Variants in ZNF385D observed in about 807,000 individuals in gnomAD.
The protein encoded by ZNF385D is zinc finger protein 385D.
A neutral mutation model predicts 35.8 loss-of-function variants in ZNF385D; 15 were observed. The ratio of observed to expected loss-of-function variants is 0.42; its 90% CI spans 0.28 to 0.64. The LOEUF is 0.64. Among genes scored for constraint, ZNF385D ranks in the 30% least tolerant of loss-of-function variants. The pLI, the probability that ZNF385D is intolerant of heterozygous loss-of-function variation, is 0.23. For synonymous variants in ZNF385D, 212 were observed against 186.8 expected, an observed-to-expected ratio of 1.13 and a Z score of -1.10; for missense variants, 474 against 494.6, an observed-to-expected ratio of 0.96 and a Z score of 0.39.
chr3:22,219,597 T>A (rs1299438054), intron 2 of ZNF385D, among the ~76,000 whole-genome samples: 2 of 152,156 alleles, frequency 1.3e-5, no homozygotes, highest in African/African-American at 4.8e-5. Context: ...CTGAAACCCG[T>A]AGGACTAGAT....
intron 3 of ZNF385D, among the ~76,000 whole-genome samples, chr3:22,062,089 G>C (rs1464046744): frequency 1.3e-5 from 2 of 152,132 alleles, no homozygotes; most frequent in East Asian, 3.9e-4. Flanking sequence ...CCAGGCTGGA[G>C]TGCAGTGGCA....
intron 3 of ZNF385D, among the ~76,000 whole-genome samples, chr3:22,028,930 A>C (rs1330212163): frequency 6.6e-6 from 1 of 152,108 alleles, no homozygotes; most frequent in African/African-American, 2.4e-5. Flanking sequence ...ATCAGCATAC[A>C]ATATATGGTA....
chr3:22,215,226 C>T (rs2638132), intron 2 of ZNF385D, among the ~76,000 whole-genome samples: 31,353 of 151,852 alleles, frequency 0.21, 3,487 homozygotes, highest in African/African-American at 0.29. Context: ...TTGAACAATA[C>T]GAAATCTGGG....
intron 3 of ZNF385D, among the ~76,000 whole-genome samples, chr3:21,886,445 C>A (rs1025804969): frequency 1.3e-5 from 2 of 151,990 alleles, no homozygotes; most frequent in African/African-American, 2.4e-5. Context: ...CATTTGACAT[C>A]CTTTCACCTC....
intron 3 of ZNF385D, among the ~76,000 whole-genome samples, chr3:22,019,034 C>CTT (rs11380195): frequency 0.075 from 4,839 of 64,150 alleles, 825 homozygotes; most frequent in Non-Finnish European, 0.091. Flanking sequence ...AGTTATTTAC[C>CTT]TTTTTTTTTT....
chr3:21,748,883 G>A (rs6763031), intron 1 of ZNF385D, among the ~76,000 whole-genome samples: 1,694 of 152,266 alleles, frequency 0.011, 35 homozygotes, highest in African/African-American at 0.039. Context: ...CATGCCTGAA[G>A]TGTACTGCTC....
chr3:21,814,381 T>C (rs1013833597), intron 3 of ZNF385D, among the ~76,000 whole-genome samples: 7 of 152,086 alleles, frequency 4.6e-5, no homozygotes, highest in African/African-American at 1.7e-4. Flanking sequence ...GGCTAAATGC[T>C]CCAATTAAAA....
At chr3:21,792,109 G>C (rs991904172) in intron 3 of ZNF385D, among the ~76,000 whole-genome samples, 1 of 152,172 alleles carries the variant, frequency 6.6e-6, no homozygotes, top group Non-Finnish European at 1.5e-5. Flanking sequence ...CCCAAACTTT[G>C]GGACTTCTTT....
chr3:21,601,861 T>A (rs1001973304), intron 2 of ZNF385D, among the ~76,000 whole-genome samples: 3 of 152,160 alleles, frequency 2.0e-5, no homozygotes, highest in Non-Finnish European at 4.4e-5. Flanking sequence ...CCTACATGTC[T>A]CCAACTGGAG....
chr3:22,281,994 A>G (rs1394610242), intron 2 of ZNF385D, among the ~76,000 whole-genome samples: 1 of 152,010 alleles, frequency 6.6e-6, no homozygotes, highest in Non-Finnish European at 1.5e-5. Context: ...TATTTCCAGG[A>G]ATTTATCCAC....
intron 3 of ZNF385D, among the ~76,000 whole-genome samples, chr3:21,806,169 T>C (rs565217340): frequency 8.3e-4 from 126 of 152,130 alleles, no homozygotes; most frequent in African/African-American, 2.9e-3. Context: ...CTTTCACTTC[T>C]GCATTCCTTC....
At chr3:21,427,179 T>C (rs768228996) in intron 5 of ZNF385D, among the ~76,000 whole-genome samples, 8 of 152,030 alleles carry the variant, frequency 5.3e-5, no homozygotes, top group Admixed American at 3.9e-4. Context: ...GAAGATGACA[T>C]AAGTGGGAGG....
intron 3 of ZNF385D, among the ~76,000 whole-genome samples, chr3:22,146,566 T>C (rs1343906867): frequency 1.3e-5 from 2 of 152,200 alleles, no homozygotes; most frequent in Non-Finnish European, 2.9e-5. Flanking sequence ...TTTTATCAAC[T>C]GCCTGTACTT....
At chr3:22,162,762 T>C (rs1706046325) in intron 3 of ZNF385D, among the ~76,000 whole-genome samples, 1 of 152,206 alleles carries the variant, frequency 6.6e-6, no homozygotes, top group South Asian at 2.1e-4. Flanking sequence ...CATTTGTATA[T>C]CTTTTAATCT....
chr3:21,458,307 T>C (rs1702948297), intron 4 of ZNF385D, among the ~76,000 whole-genome samples: 1 of 126,428 alleles, frequency 7.9e-6, no homozygotes, highest in Non-Finnish European at 1.6e-5. Flanking sequence ...ACCTCATCAC[T>C]CTTAAAGGAA....
chr3:22,120,793 A>C (rs979398495), intron 3 of ZNF385D, among the ~76,000 whole-genome samples: 12 of 152,156 alleles, frequency 7.9e-5, no homozygotes, highest in South Asian at 2.1e-4. Context: ...ATGTTTTCCT[A>C]ATTACCGTTT....
chr3:21,629,934 A>AG (rs1445905058), intron 2 of ZNF385D, among the ~76,000 whole-genome samples: 1 of 152,164 alleles, frequency 6.6e-6, no homozygotes, highest in African/African-American at 2.4e-5. Flanking sequence ...TATTTACTGC[A>AG]ATGATATGGT....
At chr3:21,980,988 T>C (rs1381165230) in intron 3 of ZNF385D, among the ~76,000 whole-genome samples, 1 of 152,156 alleles carries the variant, frequency 6.6e-6, no homozygotes, top group Non-Finnish European at 1.5e-5. Context: ...TTAGTTTGAT[T>C]CCATGTCTTT....
chr3:21,885,740 C>CTGTGTGTG (rs3074769), intron 3 of ZNF385D, among the ~76,000 whole-genome samples: 1,577 of 101,194 alleles, frequency 0.016, 16 homozygotes, highest in African/African-American at 0.029. Flanking sequence ...GTGTCTGTGT[C>CTGTGTGTG]TGTGTGTGTG....
Sources: allele counts gnomAD v4.1 joint callset (sites outside exome capture counted in the v4.1 genomes callset), GRCh38; gene constraint gnomAD v4.1.1; transcripts MANE v1.5; gene names NCBI Gene and HGNC (gene_info 2026-07-23, HGNC 2026-07-21).